Variants in LMNB1 observed in about 807,000 individuals in gnomAD.
LMNB1 encodes lamin B1.
LMNB1 carries 23 observed loss-of-function variants against 67.1 expected under a neutral mutation model. The observed-to-expected ratio is 0.34, with a 90% CI of 0.25 to 0.49. The LOEUF (loss-of-function observed/expected upper bound fraction) is 0.49, where lower values mean the gene tolerates loss of function less well. Among genes scored for constraint, LMNB1 ranks in the 20% least tolerant of loss-of-function variants. LMNB1 has a pLI of 0.99. For synonymous variants in LMNB1, 281 were observed against 282.9 expected, an observed-to-expected ratio of 0.99 and a Z score of 0.07; for missense variants, 634 against 746.5, an observed-to-expected ratio of 0.85 and a Z score of 1.76.
chr5:126,777,767 G>T lies in LMNB1; in HGVS notation c.259G>T (p.Ala87Ser). The change falls in exon 1 of 11, where the codon GCC becomes TCC. Residue 87 changes from alanine (A) to serine (S), a missense_variant. By Grantham distance (99) the Ala-to-Ser change is moderately conservative. Transcript: ENST00000261366. ...GLKALYETEL[A>S]DARRALDDTA... Reference sequence around the variant, plus strand: ...CAAGGCGCTCTACGAGACCGAGCTGGCCGACGCGCGACGCGCGCTCGACGA... The same window carrying T: ...CAAGGCGCTCTACGAGACCGAGCTGTCCGACGCGCGACGCGCGCTCGACGA... The T allele has an allele frequency of 6.6e-7, 1 of 1,518,074 alleles. No homozygotes were observed. The allele number at this position is 1,518,074 out of a possible 1,614,324, so 94.0% of individuals were successfully genotyped here.
chr5:126,777,608 G>A lies in LMNB1; in HGVS notation c.100G>A (p.Glu34Lys). The A allele has an allele frequency of 6.5e-7, 1 of 1,537,952 alleles. No individual in the cohort carries two copies. The highest frequency in any genetic ancestry group is 1.2e-5 in the South Asian group (1 of 82,646). Residue 34 changes from glutamate (E) to lysine (K), a missense_variant, in exon 1 of 11, where the codon GAG becomes AAG. Transcript: ENST00000261366. ...PTRLSRLQEKEELRELNDRLA... is the reference protein window; with the variant it reads ...PTRLSRLQEKKELRELNDRLA... ...GCGCCTGTCGCGGCTCCAGGAGAAG[G>A]AGGAGCTGCGCGAGCTCAATGACCG...
At chr5:126,799,777 A>G (rs116554129) in intron 1 of LMNB1, among the ~76,000 whole-genome samples, 2,717 of 152,330 alleles carry the variant, frequency 0.018, 37 homozygotes, top group Middle Eastern at 0.1. Flanking sequence ...TCTCCTGTGT[A>G]CCTGTGCATA....
Position 126,836,767 on chromosome 5 carries a change from A to T in LMNB1, c.*503A>T, listed in dbSNP as rs181936031. 0.023 allele frequency: 8,920 copies of T among 395,560 alleles called. 131 individuals carry two copies. The highest frequency in any genetic ancestry group is 0.073 in the Middle Eastern group (115 of 1,574). 24.5% of individuals were successfully genotyped at this position (395,560 alleles called of 1,614,324 possible). A position where few individuals can be genotyped will look rare whatever the true frequency, so the allele number is the denominator to read the frequency against. ...AGCAATCAAGGTTATAATTTTTTTT[A>T]AAATAGAAATTTTGTAAGAAGGCAA... On this transcript the variant is annotated 3_prime_UTR_variant, in exon 11 of 11. Coordinates refer to ENST00000261366, the MANE Select transcript of LMNB1 (RefSeq NM_005573.4).
chr5:126,800,982 A>ATATATATATAATTTTTTT, intron 1 of LMNB1, among the ~76,000 whole-genome samples: 2 of 18,636 alleles, frequency 1.1e-4, no homozygotes, highest in African/African-American at 3.4e-4. Context: ...TATATATATA[A>ATATATATATAATTTTTTT]TTTTTTTTTT....
intron 1 of LMNB1, among the ~76,000 whole-genome samples, chr5:126,781,040 G>C (rs767798148): frequency 2.6e-5 from 4 of 152,130 alleles, no homozygotes; most frequent in Non-Finnish European, 5.9e-5. Flanking sequence ...CACCTGTAAA[G>C]CACTTTGAGA....
intron 1 of LMNB1, among the ~76,000 whole-genome samples, chr5:126,793,806 G>A (rs1751023982): frequency 6.6e-6 from 1 of 152,104 alleles, no homozygotes; most frequent in South Asian, 2.1e-4. Flanking sequence ...AACCCGGAAG[G>A]CGGAGGTTGC....
chr5:126,802,812 C>A (rs1162079183), intron 1 of LMNB1, among the ~76,000 whole-genome samples: 1 of 152,038 alleles, frequency 6.6e-6, no homozygotes, highest in Non-Finnish European at 1.5e-5. Context: ...GAAATACTGA[C>A]CTTTAAAATA....
intron 1 of LMNB1, among the ~76,000 whole-genome samples, chr5:126,800,982 A>ATATATTTTTTTT: frequency 1.6e-4 from 3 of 18,638 alleles, no homozygotes; most frequent in South Asian, 2.8e-3. Context: ...TATATATATA[A>ATATATTTTTTTT]TTTTTTTTTT....
At chr5:126,784,639 G>A (rs1750718142) in intron 1 of LMNB1, among the ~76,000 whole-genome samples, 1 of 148,130 alleles carries the variant, frequency 6.8e-6, no homozygotes, top group South Asian at 2.1e-4. Flanking sequence ...ACAGGCGTGA[G>A]CCACCGTGCC....
chr5:126,794,359 G>A lies in LMNB1; in HGVS notation c.360-10417G>A, dbSNP rs540443227. Among the ~76,000 whole-genome samples, 3 of 152,340 alleles carry A rather than the reference G, an allele frequency of 2.0e-5. No individual in the cohort carries two copies. In the East Asian group the frequency reaches 5.8e-4, roughly 29 times the overall value. ...ACATGAGGACAGTGTTGAAGCTGATGAGTGGCTGTTGGAGCAAATGCATGC... is the reference window on the plus strand; with the variant it reads ...ACATGAGGACAGTGTTGAAGCTGATAAGTGGCTGTTGGAGCAAATGCATGC... On this transcript the variant is annotated intron_variant, in intron 1 of 10. Transcript: ENST00000261366.
At chr5:126,832,645 T>C in intron 9 of LMNB1, 49 bp from the exon 10 acceptor site, 1 of 1,321,716 alleles carries the variant, frequency 7.6e-7, no homozygotes, top group South Asian at 1.2e-5. Context: ...CTCCCCCGCA[T>C]TTGGTGATTT....
chr5:126,799,164 G>T (rs1449921653), intron 1 of LMNB1, among the ~76,000 whole-genome samples: 2 of 151,928 alleles, frequency 1.3e-5, no homozygotes, highest in Non-Finnish European at 2.9e-5. Flanking sequence ...GACTACAGGC[G>T]CCCGCCACCT....
At chr5:126,817,487 T>A (rs1274568640) in intron 5 of LMNB1, among the ~76,000 whole-genome samples, 1 of 152,208 alleles carries the variant, frequency 6.6e-6, no homozygotes, top group African/African-American at 2.4e-5. Flanking sequence ...CACATATTTA[T>A]AACTTTTTCT....
chr5:126,826,179 T>A (rs1751995863), intron 9 of LMNB1, 72 bp downstream of exon 9: 1 of 1,518,776 alleles, frequency 6.6e-7, no homozygotes, highest in African/African-American at 1.4e-5. Flanking sequence ...ATAATCAAGA[T>A]CAGATTGAAA....
chr5:126,787,546 A>ATATATATATTTTTTTTTTTTTTTTTTT, intron 1 of LMNB1, among the ~76,000 whole-genome samples: 3 of 65,574 alleles, frequency 4.6e-5, no homozygotes, highest in Non-Finnish European at 8.2e-5. Flanking sequence ...ATATATATAT[A>ATATATATATTTTTTTTTTTTTTTTTTT]TTTTTTTTTT....
At chr5:126,809,199 C>T (rs1374745213) in intron 3 of LMNB1, among the ~76,000 whole-genome samples, 2 of 152,190 alleles carry the variant, frequency 1.3e-5, no homozygotes, top group Non-Finnish European at 2.9e-5. Flanking sequence ...TATTTAGACA[C>T]TTCCTTAAAA....
chr5:126,778,429 C>G (rs1580519090), intron 1 of LMNB1, among the ~76,000 whole-genome samples: 1 of 152,188 alleles, frequency 6.6e-6, no homozygotes, highest in Non-Finnish European at 1.5e-5. Context: ...GGGTGGGTCC[C>G]GCTTTGGCGC....
intron 1 of LMNB1, 21 bp from the exon 2 acceptor site, chr5:126,804,755 T>G: frequency 6.2e-7 from 1 of 1,610,924 alleles, no homozygotes; most frequent in Non-Finnish European, 8.5e-7. Context: ...TGATGTCTTA[T>G]GCTTTTTAAA....
intron 5 of LMNB1, among the ~76,000 whole-genome samples, chr5:126,818,720 T>C (rs538036671): frequency 6.6e-6 from 1 of 152,338 alleles, no homozygotes; most frequent in African/African-American, 2.4e-5. Flanking sequence ...TTTATTCTTT[T>C]ATCAGCCAAA....
Sources: gnomAD v4.1 joint callset for allele counts (sites outside exome capture counted in the v4.1 genomes callset) on GRCh38, gnomAD v4.1.1 for gene constraint, MANE v1.5 for transcripts, NCBI Gene and HGNC (gene_info 2026-07-23, HGNC 2026-07-21) for gene names.